Variants in CPPED1 observed in about 807,000 individuals in gnomAD.
The protein encoded by CPPED1 is serine/threonine-protein phosphatase CPPED1.
Under a neutral mutation model 28.0 loss-of-function variants are expected in CPPED1, and 28 were observed. The ratio of observed to expected loss-of-function variants is 1.00; its 90% CI spans 0.74 to 1.37. The LOEUF (loss-of-function observed/expected upper bound fraction) is 1.37. CPPED1 is among the 40% of genes most tolerant of loss of function. The pLI is 0.00. For synonymous variants in CPPED1, 198 were observed against 180.2 expected (o/e 1.10, Z -0.79); for missense variants, 504 against 416.5 (o/e 1.21, Z -1.83).
intron 1 of CPPED1, among the ~76,000 whole-genome samples, chr16:12,795,371 G>C (rs1051739892): frequency 2.0e-5 from 3 of 151,648 alleles, no homozygotes; most frequent in African/African-American, 7.3e-5. Flanking sequence ...TCAGAGTCTC[G>C]CTCTGTGGCC....
intron 1 of CPPED1, among the ~76,000 whole-genome samples, chr16:12,797,842 G>A (rs1263004875): frequency 2.6e-5 from 4 of 152,194 alleles, no homozygotes; most frequent in African/African-American, 9.7e-5. Flanking sequence ...CAGTTTGGGA[G>A]GCTGAGGTGG....
chr16:12,780,915 A>ATG, intron 2 of CPPED1: 1 of 449,732 alleles, frequency 2.2e-6, no homozygotes, highest in Non-Finnish European at 4.0e-6. Context: ...CAGAAAGGTG[A>ATG]TGTGTGGGAA....
chr16:12,726,555 C>T (rs1485057455), intron 2 of CPPED1, among the ~76,000 whole-genome samples: 1 of 152,020 alleles, frequency 6.6e-6, no homozygotes, highest in Non-Finnish European at 1.5e-5. Flanking sequence ...GTTGGGCAGG[C>T]TGGTCTTGAA....
chr16:12,754,465 A>G (rs1029451103), intron 2 of CPPED1, among the ~76,000 whole-genome samples: 3 of 152,198 alleles, frequency 2.0e-5, no homozygotes, highest in Non-Finnish European at 4.4e-5. Context: ...GGGGGGCCCA[A>G]TTTCTAAACC....
At chr16:12,686,673 C>T (rs1009744492) in intron 3 of CPPED1, among the ~76,000 whole-genome samples, 2 of 152,104 alleles carry the variant, frequency 1.3e-5, no homozygotes, top group African/African-American at 4.8e-5. Context: ...GCTTAGTAAC[C>T]CTGGCCCATG....
rs967623665 is a variant in CPPED1, at chr16:12,682,203, T to C, written c.716-17088A>G. ...GTTCCCGCTACCATGCCCAGCTAAT[T>C]TTTGTGTCTTTAGTAGAGACAGGAT... On this transcript the variant is annotated intron_variant, in intron 3 of 3. Coordinates refer to ENST00000381774, the MANE Select transcript of CPPED1 (RefSeq NM_018340.3). This position sits in a 1 kb window ranked among gnomAD's most constrained non-coding sequence, Gnocchi z 6.1. Among the ~76,000 whole-genome samples, 7 of 152,018 alleles carry C rather than the reference T, an allele frequency of 4.6e-5. No homozygotes were observed. Among genetic ancestry groups the C allele is most frequent in the Non-Finnish European group, 1.0e-4 (7 of 68,002 alleles).
chr16:12,767,910 G>A (rs867071902), intron 2 of CPPED1, among the ~76,000 whole-genome samples: 41 of 152,198 alleles, frequency 2.7e-4, no homozygotes, highest in Non-Finnish European at 2.4e-4. Context: ...AGCAGAGATC[G>A]CGCCACTGCA....
At position 12,712,678 on chromosome 16, in the gene CPPED1, G is replaced by A. The variant is rs566803395; in HGVS notation, c.290-7629C>T. 7.2e-5 allele frequency among the ~76,000 whole-genome samples: 11 copies of A among 152,286 alleles called. No homozygotes were observed. In the South Asian group the frequency reaches 1.9e-3, roughly 26 times the overall value. On this transcript the variant is annotated intron_variant, in intron 2 of 3. Coordinates refer to ENST00000381774, the MANE Select transcript of CPPED1 (RefSeq NM_018340.3). ...GTTAAGGTTTGGGGAGCAAGGGTTG[G>A]CTGGCAGTGGGGGACAGTAAGTGAA...
At chr16:12,757,237 G>T (rs1233214344) in intron 2 of CPPED1, among the ~76,000 whole-genome samples, 1 of 152,152 alleles carries the variant, frequency 6.6e-6, no homozygotes, top group Admixed American at 6.5e-5. Context: ...CAGGATGTGG[G>T]ACTTTTCAGT....
At chr16:12,788,651 C>G (rs557022531) in intron 1 of CPPED1, among the ~76,000 whole-genome samples, 40 of 152,260 alleles carry the variant, frequency 2.6e-4, no homozygotes, top group African/African-American at 9.4e-4. Context: ...GCAACTTCTA[C>G]CCAAGAGCTA....
At chr16:12,669,757 C>G (rs1206384179) in intron 3 of CPPED1, among the ~76,000 whole-genome samples, 2 of 152,094 alleles carry the variant, frequency 1.3e-5, no homozygotes, top group Non-Finnish European at 1.5e-5. Context: ...AGTAAGGATT[C>G]TCTAATAAAA....
intron 1 of CPPED1, among the ~76,000 whole-genome samples, chr16:12,795,955 C>G (rs1158024134): frequency 6.6e-6 from 1 of 151,836 alleles, no homozygotes; most frequent in Middle Eastern, 3.2e-3. Flanking sequence ...CAGTGGCATG[C>G]ACCTGTAGTC....
chr16:12,662,701 A>T lies in CPPED1; in HGVS notation c.*2185T>A, dbSNP rs968537234. ...CCAGTTCCATCCAGGTTGCTGCAAA[A>T]GACATGGTTTCATTCTTTTTAGTGG... On this transcript the variant is annotated 3_prime_UTR_variant, in exon 4 of 4. Coordinates refer to ENST00000381774, the MANE Select transcript of CPPED1 (RefSeq NM_018340.3). 1 of 152,232 alleles carries T rather than the reference A, an allele frequency of 6.6e-6. No individual in the cohort carries two copies. Among genetic ancestry groups the T allele is most frequent in the African/African-American group, 2.4e-5 (1 of 41,456 alleles). 9.4% of individuals were successfully genotyped at this position (152,232 alleles called of 1,614,324 possible).
intron 1 of CPPED1, among the ~76,000 whole-genome samples, chr16:12,782,715 C>G (rs893002335): frequency 6.6e-5 from 10 of 151,750 alleles, no homozygotes; most frequent in African/African-American, 2.4e-4. Context: ...TAAAAATTAG[C>G]CAGGCGTGGT....
chr16:12,735,246 T>C (rs1340523821), intron 2 of CPPED1, among the ~76,000 whole-genome samples: 2 of 152,204 alleles, frequency 1.3e-5, no homozygotes, highest in Non-Finnish European at 2.9e-5. Context: ...GAGTAGACTA[T>C]GACAATAAAG....
Position 12,781,260 on chromosome 16 carries a change from C to A in CPPED1, c.214G>T (p.Val72Phe), listed in dbSNP as rs78875866. The A allele has an allele frequency of 2.5e-6, 4 of 1,614,150 alleles. No homozygotes were observed. The South Asian group carries it at 4.4e-5, about 18-fold the overall frequency. ...GGGTTCAGCTTGTTGATGGCCTGGA[C>A]GGCTTGCTCAGTTAGACGGATCTCC... ...EQEIRLTEQA[V>F]QAINKLNPKP... is the part of the protein sequence containing the mutation. Residue 72 changes from valine (V) to phenylalanine (F), a missense_variant, in exon 2 of 4, where the codon GTC (valine) becomes TTC (phenylalanine). Val to Phe is a conservative substitution (Grantham distance 50). Transcript: ENST00000381774.
chr16:12,765,654 A>G (rs1471040054), intron 2 of CPPED1, among the ~76,000 whole-genome samples: 2 of 152,256 alleles, frequency 1.3e-5, no homozygotes, highest in Non-Finnish European at 2.9e-5. Context: ...GAAAGAAGGG[A>G]ATGGTAAATT....
chr16:12,755,997 C>T (rs1021473263), intron 2 of CPPED1, among the ~76,000 whole-genome samples: 10 of 151,934 alleles, frequency 6.6e-5, no homozygotes, highest in African/African-American at 1.9e-4. Context: ...CGGGCGTGGT[C>T]GCGGGCACCT....
At chr16:12,671,739 A>G (rs1038477878) in intron 3 of CPPED1, among the ~76,000 whole-genome samples, 1 of 152,074 alleles carries the variant, frequency 6.6e-6, no homozygotes, top group Non-Finnish European at 1.5e-5. Context: ...TTTTCACTGT[A>G]CCTTCTCTAT....
Sources: allele counts gnomAD v4.1 joint callset (sites outside exome capture counted in the v4.1 genomes callset), GRCh38; gene constraint gnomAD v4.1.1; non-coding constraint Gnocchi (gnomAD v3.1); transcripts MANE v1.5; gene names NCBI Gene and HGNC (gene_info 2026-07-23, HGNC 2026-07-21).